Variants in MAN2A1 observed in about 807,000 individuals in gnomAD.
The protein encoded by MAN2A1 is alpha-mannosidase 2.
A neutral mutation model predicts 142.6 loss-of-function variants in MAN2A1; 76 were observed. That is an observed-to-expected ratio of 0.53 (90% confidence interval 0.44 to 0.65). The LOEUF (loss-of-function observed/expected upper bound fraction) is 0.65, where lower values mean the gene tolerates loss of function less well. Ranked by LOEUF, MAN2A1 falls within the 30% of genes least tolerant of loss-of-function variation. MAN2A1 has a pLI of 0.00. For missense variants in MAN2A1, 1,311 were observed against 1,365.1 expected (o/e 0.96, Z 0.62); for synonymous variants, 559 against 473.2 (o/e 1.18, Z -2.35).
chr5:109,738,539 C>A (rs1373751029), intron 4 of MAN2A1, among the ~76,000 whole-genome samples: 2 of 152,126 alleles, frequency 1.3e-5, no homozygotes. Flanking sequence ...GGAACTGGAA[C>A]CAGTCCGCCT....
At chr5:109,863,649 AGAAATTACTATCC>A (rs1755810552) in intron 20 of MAN2A1, 1 of 152,260 alleles carries the variant, frequency 6.6e-6, no homozygotes, top group African/African-American at 2.4e-5. Context: ...TTTAGGAAGA[AGAAATTACTATCC>A]TAAGGTTTCA....
At chr5:109,787,670 T>C (rs1012630362) in intron 10 of MAN2A1, among the ~76,000 whole-genome samples, 10 of 151,988 alleles carry the variant, frequency 6.6e-5, no homozygotes, top group Non-Finnish European at 1.5e-4. Context: ...TAGGACTCTT[T>C]AATACATCTG....
intron 17 of MAN2A1, among the ~76,000 whole-genome samples, 189 bp downstream of exon 17, chr5:109,842,650 T>C (rs1051727268): frequency 4.1e-5 from 6 of 147,152 alleles, no homozygotes; most frequent in African/African-American, 1.3e-4. Context: ...TGGGAGACCA[T>C]TTTTTTAGAA....
intron 3 of MAN2A1, among the ~76,000 whole-genome samples, chr5:109,717,278 T>C (rs1033669642): frequency 6.6e-6 from 1 of 152,212 alleles, no homozygotes; most frequent in Non-Finnish European, 1.5e-5. Flanking sequence ...CCTATTTTTC[T>C]ATTTTGAAGA....
intron 1 of MAN2A1, among the ~76,000 whole-genome samples, chr5:109,706,176 A>G (rs886583025): frequency 1.3e-5 from 2 of 152,174 alleles, no homozygotes; most frequent in East Asian, 1.9e-4. Context: ...CATTTTACAG[A>G]TGAGGAAACT....
chr5:109,839,898 TA>T, intron 16 of MAN2A1, among the ~76,000 whole-genome samples: 1 of 152,156 alleles, frequency 6.6e-6, no homozygotes, highest in South Asian at 2.1e-4. Flanking sequence ...ACTTTTCAGA[TA>T]AATCTATGGT....
At chr5:109,820,015 A>T in intron 14 of MAN2A1, 128 bp downstream of exon 14, 1 of 831,210 alleles carries the variant, frequency 1.2e-6, no homozygotes, top group South Asian at 1.8e-5. Flanking sequence ...GAGTAAAAGG[A>T]AGCATGAGCT....
At chr5:109,781,914 G>A (rs894289493) in intron 9 of MAN2A1, among the ~76,000 whole-genome samples, 1 of 152,010 alleles carries the variant, frequency 6.6e-6, no homozygotes, top group Non-Finnish European at 1.5e-5. Context: ...TTAATATTCA[G>A]TGACACCATC....
intron 12 of MAN2A1, among the ~76,000 whole-genome samples, chr5:109,790,919 C>T (rs1206953390): frequency 6.6e-6 from 1 of 152,016 alleles, no homozygotes; most frequent in African/African-American, 2.4e-5. Flanking sequence ...TAGTTTATCT[C>T]CTTCCTTCAC....
At chr5:109,858,115 G>T (rs1394192809) in intron 20 of MAN2A1, among the ~76,000 whole-genome samples, 1 of 152,182 alleles carries the variant, frequency 6.6e-6, no homozygotes, top group Non-Finnish European at 1.5e-5. Context: ...ATTTGACCAA[G>T]AAGATTAAAA....
intron 12 of MAN2A1, among the ~76,000 whole-genome samples, chr5:109,806,025 C>T (rs1206698694): frequency 2.0e-5 from 3 of 152,184 alleles, no homozygotes; most frequent in Admixed American, 1.3e-4. Flanking sequence ...TAATCCTCAC[C>T]TCCAGGAAAA....
chr5:109,712,067 C>T (rs774271590), intron 1 of MAN2A1, among the ~76,000 whole-genome samples: 5 of 151,890 alleles, frequency 3.3e-5, no homozygotes, highest in Non-Finnish European at 5.9e-5. Flanking sequence ...CACTGCCACC[C>T]CCAGTGATTT....
chr5:109,780,032 A>C (rs978156365), intron 8 of MAN2A1, among the ~76,000 whole-genome samples: 4 of 151,966 alleles, frequency 2.6e-5, no homozygotes, highest in African/African-American at 7.3e-5. Context: ...AATTTATACC[A>C]TTATTGGCCA....
Position 109,781,647 on chromosome 5 carries a change from CATA to C in MAN2A1, c.1577+52_1577+54del, listed in dbSNP as rs1318201660. The C allele has an allele frequency of 2.3e-6, 3 of 1,294,022 alleles. No homozygotes were observed. The African/African-American group carries it at 4.5e-5, about 19-fold the overall frequency. 80.2% of individuals were successfully genotyped at this position (1,294,022 alleles called of 1,614,324 possible). ...CATGTATTTTTTCACTTTATATTATCATAATCTTTTTGTAGAGTTTTACGTAAT... is the reference window on the plus strand; with the variant it reads ...CATGTATTTTTTCACTTTATATTATCATCTTTTTGTAGAGTTTTACGTAAT... On this transcript the variant is annotated intron_variant, in intron 9 of 21. Coordinates refer to ENST00000261483, the MANE Select transcript of MAN2A1 (RefSeq NM_002372.4).
chr5:109,756,346 T>C lies in MAN2A1; in HGVS notation c.835+890T>C, dbSNP rs1052516578. Among the ~76,000 whole-genome samples the C allele has an allele frequency of 5.9e-5, 9 of 152,318 alleles. No homozygotes were observed. In the South Asian group the frequency reaches 1.7e-3, roughly 28 times the overall value. Reference sequence around the variant, plus strand: ...TTAATATTTGCATTTTGTAACATGGTATGTAAATCCTTTCAAATATTTTAT... The same window carrying C: ...TTAATATTTGCATTTTGTAACATGGCATGTAAATCCTTTCAAATATTTTAT... On this transcript the variant is annotated intron_variant, in intron 5 of 21. Transcript: ENST00000261483.
rs565655798 is a variant in MAN2A1, at chr5:109,780,014, G to A, written c.1375-1382G>A. On this transcript the variant is annotated intron_variant, in intron 8 of 21. Coordinates refer to ENST00000261483, the MANE Select transcript of MAN2A1 (RefSeq NM_002372.4). ...AATTTTGTCTTTGCAGTGAATAAGT[G>A]ATAGCTAAATTTATACCATTATTGG... is the stretch of plus-strand genomic sequence containing the variant. 4.6e-5 allele frequency among the ~76,000 whole-genome samples: 7 copies of A among 152,178 alleles called. No individual in the cohort carries two copies. The South Asian group carries it at 1.5e-3, about 32-fold the overall frequency.
intron 8 of MAN2A1, 61 bp from the exon 9 acceptor site, chr5:109,781,335 T>A (rs1408894046): frequency 1.1e-6 from 1 of 915,978 alleles, no homozygotes; most frequent in Non-Finnish European, 1.6e-6. Context: ...TCCCTAACAG[T>A]GTAAGAAGTA....
intron 20 of MAN2A1, 128 bp from the exon 21 acceptor site, chr5:109,864,908 G>T: frequency 2.9e-6 from 2 of 683,418 alleles, no homozygotes; most frequent in South Asian, 3.4e-5. Flanking sequence ...GAGGAGAAAT[G>T]AATTTGCCTA....
At chr5:109,789,685 C>T (rs1375674339) in intron 12 of MAN2A1, among the ~76,000 whole-genome samples, 158 bp downstream of exon 12, 6 of 151,770 alleles carry the variant, frequency 4.0e-5, no homozygotes, top group Admixed American at 2.6e-4. Context: ...GTGTTATGCT[C>T]AGTGCCAATA....
Sources: gnomAD v4.1 joint callset for allele counts (sites outside exome capture counted in the v4.1 genomes callset) on GRCh38, gnomAD v4.1.1 for gene constraint, MANE v1.5 for transcripts, NCBI Gene and HGNC (gene_info 2026-07-23, HGNC 2026-07-21) for gene names.